RASSF3: variants seen among roughly 807,000 people sequenced by gnomAD.
RASSF3 encodes ras association domain-containing protein 3.
A neutral mutation model predicts 19.9 loss-of-function variants in RASSF3; 19 were observed. That is an observed-to-expected ratio of 0.96 (90% CI 0.67 to 1.40). RASSF3 has a LOEUF of 1.40. RASSF3 is among the 40% of genes most tolerant of loss of function. The probability of loss-of-function intolerance (pLI) is 0.00; values close to 1 mark genes in which losing one functional copy is unlikely to be tolerated. For missense variants in RASSF3, 306 were observed against 289.8 expected (o/e 1.06, Z -0.41); for synonymous variants, 110 against 104.2 (o/e 1.06, Z -0.34).
intron 1 of RASSF3, among the ~76,000 whole-genome samples, chr12:64,538,285 G>C (rs1207532357): frequency 6.6e-6 from 1 of 152,118 alleles, no homozygotes; most frequent in African/African-American, 2.4e-5. Flanking sequence ...GAGCCGCTGT[G>C]CCTGGCCTTA....
chr12:64,670,348 T>G (rs995382009), intron 1 of RASSF3, among the ~76,000 whole-genome samples: 1 of 144,492 alleles, frequency 6.9e-6, no homozygotes, highest in Admixed American at 7.4e-5. Flanking sequence ...CATGAAAGCC[T>G]TTTTCCCTCC....
rs542707954 is a variant in RASSF3 at position 64,676,062 on chromosome 12, C to T, written c.112-8725C>T. 2.6e-5 allele frequency among the ~76,000 whole-genome samples: 4 copies of T among 152,024 alleles called. No individual in the cohort carries two copies. In the South Asian group the frequency reaches 8.3e-4, roughly 32 times the overall value. On this transcript the variant is annotated intron_variant, in intron 1 of 4. Transcript: ENST00000542104. ...CATGGCAGATTATCAACACTGGTGC[C>T]GTGAGAACACTGCAGCAAGCAGCAC...
chr12:64,528,281 G>A (rs991949572), upstream of RASSF3, among the ~76,000 whole-genome samples: 12 of 152,000 alleles, frequency 7.9e-5, no homozygotes, highest in African/African-American at 2.9e-4. Context: ...TCTCAAAAAA[G>A]AATTTTAAAA....
intron 1 of RASSF3, among the ~76,000 whole-genome samples, chr12:64,612,791 T>C (rs1185121645): frequency 6.6e-6 from 1 of 152,166 alleles, no homozygotes; most frequent in Non-Finnish European, 1.5e-5. Flanking sequence ...ATTGTTTCTA[T>C]GTTGTATGCA....
Position 64,688,199 on chromosome 12 carries a change from T to C in RASSF3, c.220-17T>C. 1 of 1,588,706 alleles carries C rather than the reference T, an allele frequency of 6.3e-7. No individual in the cohort carries two copies. The highest frequency in any genetic ancestry group is 8.6e-7 in the Non-Finnish European group (1 of 1,156,808). ...ACCATCCACCCAGCTAAGTGTGTGC[T>C]TCTCTCCCTGCTTCAGAATTCAAAT... On this transcript the variant is annotated splice_polypyrimidine_tract_variant and intron_variant, in intron 2 of 4. Transcript: ENST00000542104.
intron 2 of RASSF3, among the ~76,000 whole-genome samples, chr12:64,588,327 T>C (rs1869851276): frequency 6.6e-6 from 1 of 152,178 alleles, no homozygotes; most frequent in Non-Finnish European, 1.5e-5. Flanking sequence ...CTGAGGGCTA[T>C]ACAAAAACAC....
intron 2 of RASSF3, among the ~76,000 whole-genome samples, chr12:64,547,652 A>T (rs1184887961): frequency 6.6e-6 from 1 of 152,148 alleles, no homozygotes; most frequent in Non-Finnish European, 1.5e-5. Flanking sequence ...TTTAAAACAT[A>T]TTTAGTTATT....
intron 1 of RASSF3, among the ~76,000 whole-genome samples, chr12:64,632,850 CAA>C (rs1435220731): frequency 6.6e-6 from 1 of 152,084 alleles, no homozygotes; most frequent in African/African-American, 2.4e-5. Context: ...TTTGAAATAA[CAA>C]GAGAAAAATA....
chr12:64,622,608 A>G, intron 1 of RASSF3: 1 of 424,426 alleles, frequency 2.4e-6, no homozygotes, highest in South Asian at 1.7e-5. Context: ...TAATACTTTC[A>G]GGCTTGTTGA....
intron 2 of RASSF3, among the ~76,000 whole-genome samples, chr12:64,550,834 G>A (rs55922954): frequency 0.61 from 75,601 of 123,948 alleles, 24,222 homozygotes; most frequent in East Asian, 0.74. Context: ...AAAAAAAAAA[G>A]AAAGAAAGAA....
intron 1 of RASSF3, among the ~76,000 whole-genome samples, chr12:64,660,793 T>G (rs990812518): frequency 3.3e-5 from 5 of 152,194 alleles, no homozygotes; most frequent in African/African-American, 7.2e-5. Flanking sequence ...AAGCAAGCTT[T>G]GTTCTGCTGA....
At chr12:64,685,040 T>G (rs1312996349) in intron 2 of RASSF3, 146 bp downstream of exon 2, 3 of 538,456 alleles carry the variant, frequency 5.6e-6, no homozygotes, top group Non-Finnish European at 9.8e-6. Flanking sequence ...GTGGAATATT[T>G]CTGTGGCTTT....
chr12:64,514,563 G>T (rs985889717), intron 1 of RASSF3, among the ~76,000 whole-genome samples: 4 of 152,078 alleles, frequency 2.6e-5, no homozygotes, highest in African/African-American at 9.7e-5. Context: ...TTAACATCAG[G>T]TCTGGACTGC....
intron 1 of RASSF3, among the ~76,000 whole-genome samples, chr12:64,663,137 G>T (rs560139075): frequency 1.2e-4 from 19 of 152,166 alleles, no homozygotes; most frequent in Admixed American, 4.6e-4. Context: ...TTTGGAGCAT[G>T]CACATAATGT....
intron 1 of RASSF3, among the ~76,000 whole-genome samples, chr12:64,514,407 G>C (rs374135693): frequency 6.6e-6 from 1 of 152,066 alleles, no homozygotes; most frequent in Admixed American, 6.6e-5. Flanking sequence ...GGATGGTCCC[G>C]ATCTCTTGAC....
chr12:64,553,068 G>T (rs566978733), intron 2 of RASSF3, among the ~76,000 whole-genome samples: 2 of 152,098 alleles, frequency 1.3e-5, no homozygotes, highest in Non-Finnish European at 2.9e-5. Context: ...AATTAGCCGG[G>T]TGTGGTGCCA....
rs954771943 is a variant in RASSF3, at chr12:64,683,259, T to C, written c.112-1528T>C. Among the ~76,000 whole-genome samples, 5 of 152,154 alleles carry C rather than the reference T, an allele frequency of 3.3e-5. No homozygotes were observed. In the South Asian group the frequency reaches 1.0e-3, roughly 31 times the overall value. ...TGAAACTGGCATAATAATGCCTCCTTGATTAGGTTGTTGGGAGAAGTAAAG... is the reference window on the plus strand; with the variant it reads ...TGAAACTGGCATAATAATGCCTCCTCGATTAGGTTGTTGGGAGAAGTAAAG... On this transcript the variant is annotated intron_variant, in intron 1 of 4. Coordinates refer to ENST00000542104, the MANE Select transcript of RASSF3 (RefSeq NM_178169.4).
intron 2 of RASSF3, among the ~76,000 whole-genome samples, chr12:64,603,723 A>G (rs1036190882): frequency 6.6e-6 from 1 of 152,258 alleles, no homozygotes; most frequent in African/African-American, 2.4e-5. Flanking sequence ...TAAGAATCCT[A>G]TAAGGTAAGA....
chr12:64,633,354 A>AT (rs1433330061), intron 1 of RASSF3, among the ~76,000 whole-genome samples: 1 of 152,058 alleles, frequency 6.6e-6, no homozygotes, highest in African/African-American at 2.4e-5. Flanking sequence ...ATGGGGATGG[A>AT]TCCCTCATGA....
Sources: gnomAD v4.1 joint callset for allele counts (sites outside exome capture counted in the v4.1 genomes callset) on GRCh38, gnomAD v4.1.1 for gene constraint, MANE v1.5 for transcripts, NCBI Gene and HGNC (gene_info 2026-07-23, HGNC 2026-07-21) for gene names.